SLC4A10: variants seen among roughly 807,000 people sequenced by gnomAD.
The protein encoded by SLC4A10 is solute carrier family 4 member 10.
A neutral mutation model predicts 137.7 loss-of-function variants in SLC4A10; 42 were observed. That is an observed-to-expected ratio of 0.30 (90% CI 0.24 to 0.39). The LOEUF is 0.39. Among genes scored for constraint, SLC4A10 ranks in the 10% least tolerant of loss-of-function variants. The probability of loss-of-function intolerance (pLI) is 1.00; values close to 1 mark genes in which losing one functional copy is unlikely to be tolerated. For synonymous variants in SLC4A10, 474 were observed against 464.1 expected (o/e 1.02, Z -0.27); for missense variants, 925 against 1,355.0 (o/e 0.68, Z 4.98).
rs2046193385 is a variant in SLC4A10, at chr2:161,726,102, G to T, written c.49-44871G>T. 5.3e-5 allele frequency among the ~76,000 whole-genome samples: 8 copies of T among 152,202 alleles called. No homozygotes were observed. The South Asian group carries it at 1.7e-3, about 32-fold the overall frequency. On this transcript the variant is annotated intron_variant, in intron 1 of 26. Transcript: ENST00000446997. ...ATGTCTCAATAGATTATGTTTTATA[G>T]ATTTAAGAATATTTAAAAATGCTTT...
intron 15 of SLC4A10, among the ~76,000 whole-genome samples, chr2:161,931,956 C>G (rs150453428): frequency 4.6e-5 from 7 of 152,230 alleles, no homozygotes; most frequent in African/African-American, 1.7e-4. Context: ...CACTATAATG[C>G]TAGTTCTCTC....
chr2:161,720,916 GC>G (rs749715957), intron 1 of SLC4A10, among the ~76,000 whole-genome samples: 1 of 150,792 alleles, frequency 6.6e-6, no homozygotes, highest in Non-Finnish European at 1.5e-5. Flanking sequence ...TGCAACCTCT[GC>G]CCCCAGGTTC....
chr2:161,714,009 C>T (rs1456398555), intron 1 of SLC4A10, among the ~76,000 whole-genome samples: 1 of 151,596 alleles, frequency 6.6e-6, no homozygotes, highest in Non-Finnish European at 1.5e-5. Context: ...ATAAATGATC[C>T]ATAAAAAGTA....
intron 1 of SLC4A10, among the ~76,000 whole-genome samples, chr2:161,641,139 T>C (rs981045950): frequency 1.3e-5 from 2 of 152,188 alleles, no homozygotes; most frequent in Non-Finnish European, 2.9e-5. Context: ...AGAGGTCCAG[T>C]TAACAAGGTA....
chr2:161,672,675 A>G (rs28669992), intron 1 of SLC4A10, among the ~76,000 whole-genome samples: 4,959 of 152,234 alleles, frequency 0.033, 271 homozygotes, highest in African/African-American at 0.11. Context: ...TCAAGATTAT[A>G]TAGCAATTCA....
At chr2:161,890,570 C>T (rs555955103) in intron 10 of SLC4A10, among the ~76,000 whole-genome samples, 7 of 152,054 alleles carry the variant, frequency 4.6e-5, no homozygotes, top group African/African-American at 1.7e-4. Context: ...TTTTGATATT[C>T]GTTGGTTTAA....
chr2:161,951,649 C>A (rs1401691588), intron 19 of SLC4A10, among the ~76,000 whole-genome samples: 1 of 152,016 alleles, frequency 6.6e-6, no homozygotes, highest in Non-Finnish European at 1.5e-5. Flanking sequence ...TTTTCACATA[C>A]CCTTTAAACT....
At chr2:161,838,244 G>A (rs1160887176) in intron 3 of SLC4A10, among the ~76,000 whole-genome samples, 3 of 151,262 alleles carry the variant, frequency 2.0e-5, no homozygotes, top group Non-Finnish European at 4.4e-5. Flanking sequence ...TCCATAAATG[G>A]TATGATATTG....
intron 26 of SLC4A10, among the ~76,000 whole-genome samples, chr2:161,979,327 G>A (rs1348511079): frequency 6.6e-6 from 1 of 152,100 alleles, no homozygotes; most frequent in African/African-American, 2.4e-5. Flanking sequence ...TCACATAGTG[G>A]GTTGACTCTA....
chr2:161,682,128 C>T (rs1217826113), intron 1 of SLC4A10, among the ~76,000 whole-genome samples: 1 of 151,992 alleles, frequency 6.6e-6, no homozygotes, highest in Non-Finnish European at 1.5e-5. Context: ...AATACCAGTC[C>T]CACCAAATAC....
chr2:161,814,037 C>G (rs1251606254), intron 3 of SLC4A10, among the ~76,000 whole-genome samples: 1 of 151,980 alleles, frequency 6.6e-6, no homozygotes, highest in Non-Finnish European at 1.5e-5. Context: ...TTTAGTTCAT[C>G]AGGGGTCTAA....
At chr2:161,749,966 G>T (rs1187860111) in intron 1 of SLC4A10, among the ~76,000 whole-genome samples, 1 of 151,436 alleles carries the variant, frequency 6.6e-6, no homozygotes, top group Non-Finnish European at 1.5e-5. Flanking sequence ...ATTTCTTTTT[G>T]ATTTGGTTTC....
intron 9 of SLC4A10, 62 bp downstream of exon 9, chr2:161,879,350 G>T (rs536892798): frequency 6.9e-7 from 1 of 1,458,228 alleles, no homozygotes; most frequent in African/African-American, 1.4e-5. Context: ...GAAAGAAAAT[G>T]AGGATTCAAT....
intron 15 of SLC4A10, among the ~76,000 whole-genome samples, chr2:161,924,812 C>G (rs1339016929): frequency 1.3e-5 from 2 of 152,138 alleles, no homozygotes; most frequent in Non-Finnish European, 2.9e-5. Flanking sequence ...ATTGTATTCA[C>G]TAACACAGTA....
At chr2:161,697,804 C>T (rs1015031449) in intron 1 of SLC4A10, among the ~76,000 whole-genome samples, 1 of 152,102 alleles carries the variant, frequency 6.6e-6, no homozygotes, top group Non-Finnish European at 1.5e-5. Context: ...TTTTTGGTTC[C>T]ATATGAACTT....
intron 1 of SLC4A10, among the ~76,000 whole-genome samples, chr2:161,696,811 G>A (rs1286229989): frequency 6.6e-6 from 1 of 151,960 alleles, no homozygotes; most frequent in Non-Finnish European, 1.5e-5. Context: ...AATCCTTTTG[G>A]TATATACCCA....
intron 5 of SLC4A10, among the ~76,000 whole-genome samples, chr2:161,856,724 T>C (rs1029428994): frequency 6.6e-6 from 1 of 152,156 alleles, no homozygotes; most frequent in Non-Finnish European, 1.5e-5. Flanking sequence ...AACAGCAGGC[T>C]TTTCACAGTA....
At chr2:161,922,643 A>G (rs1688343367) in intron 15 of SLC4A10, among the ~76,000 whole-genome samples, 1 of 152,182 alleles carries the variant, frequency 6.6e-6, no homozygotes. Flanking sequence ...CATAAGAACT[A>G]CTGAAAGAAG....
At chr2:161,893,544 T>A (rs945464100) in intron 10 of SLC4A10, among the ~76,000 whole-genome samples, 6 of 151,734 alleles carry the variant, frequency 4.0e-5, no homozygotes, top group African/African-American at 7.3e-5. Context: ...AGAAATTTTT[T>A]AAAAATTAGC....
Sources: gnomAD v4.1 joint callset for allele counts (sites outside exome capture counted in the v4.1 genomes callset) on GRCh38, gnomAD v4.1.1 for gene constraint, MANE v1.5 for transcripts, NCBI Gene and HGNC (gene_info 2026-07-23, HGNC 2026-07-21) for gene names.